The following PTPRR variants were observed in gnomAD, a reference collection of about 807,000 sequenced individuals.
PTPRR encodes protein tyrosine phosphatase receptor type R.
PTPRR carries 38 observed loss-of-function variants against 77.2 expected under a neutral mutation model. That is an observed-to-expected ratio of 0.49 (90% CI 0.38 to 0.65). The LOEUF is 0.65. Among genes scored for constraint, PTPRR ranks in the 30% least tolerant of loss-of-function variants. PTPRR has a pLI of 0.00. For missense variants in PTPRR, 744 were observed against 799.2 expected, an observed-to-expected ratio of 0.93 and a Z score of 0.83; for synonymous variants, 299 against 283.1, an observed-to-expected ratio of 1.06 and a Z score of -0.57.
At chr12:70,701,503 A>G (rs1888423426) in intron 6 of PTPRR, among the ~76,000 whole-genome samples, 180 bp from the exon 7 acceptor site, 2 of 152,206 alleles carry the variant, frequency 1.3e-5, no homozygotes, top group Non-Finnish European at 2.9e-5. Context: ...TCACAGGAAA[A>G]TAACAATTTT....
chr12:70,871,524 TAC>T (rs1401830904), intron 2 of PTPRR, among the ~76,000 whole-genome samples: 2 of 152,210 alleles, frequency 1.3e-5, no homozygotes, highest in Non-Finnish European at 2.9e-5. Context: ...GGTAGGAATC[TAC>T]AGTTTCCCTG....
rs1034928861 is a variant in PTPRR, at chr12:70,666,711, C to T, written c.1498-4106G>A. Among the ~76,000 whole-genome samples the T allele has an allele frequency of 2.0e-5, 3 of 151,852 alleles. No individual in the cohort carries two copies. In the East Asian group the frequency reaches 5.8e-4, roughly 29 times the overall value. On this transcript the variant is annotated intron_variant, in intron 10 of 13. Coordinates refer to ENST00000283228, the MANE Select transcript of PTPRR (RefSeq NM_002849.4). ...TGTTTCATAGGCTTTTCTATTTTCT[C>T]TTTCATTTTAAATAAACTAAAATGG... is the stretch of plus-strand genomic sequence containing the variant.
Position 70,764,660 on chromosome 12 carries a change from C to T in PTPRR, c.471+5G>A. ...TTTTGGAAATGCGAAATGTGGGTAT[C>T]TTACAATGAGGCGATTGATGTGCAC... On this transcript the variant is annotated splice_donor_5th_base_variant and intron_variant, in intron 3 of 13. Transcript: ENST00000283228. 9 of 1,606,096 alleles carry T rather than the reference C, an allele frequency of 5.6e-6. No individual in the cohort carries two copies. Among genetic ancestry groups the T allele is most frequent in the African/African-American group, 2.7e-5 (2 of 74,824 alleles).
intron 1 of PTPRR, among the ~76,000 whole-genome samples, chr12:70,907,552 G>T (rs1040051629): frequency 1.3e-5 from 2 of 152,078 alleles, no homozygotes; most frequent in African/African-American, 4.8e-5. Flanking sequence ...GCAATGAAAG[G>T]GGTTCATGTT....
chr12:70,795,940 T>TTTTTTTTTTTTTTTTTG lies in PTPRR; in HGVS notation c.358-31163_358-31162insCAAAAAAAAAAAAAAAA, dbSNP rs1436544409. Among the ~76,000 whole-genome samples, 3 of 133,446 alleles carry TTTTTTTTTTTTTTTTTG rather than the reference T, an allele frequency of 2.2e-5. 1 individual carries two copies. The highest frequency in any genetic ancestry group is 4.8e-5 in the Non-Finnish European group (3 of 62,132). The allele number at this position is 133,446 out of a possible 152,430, so 87.5% of individuals were successfully genotyped here. A position where few individuals can be genotyped will look rare whatever the true frequency, so the allele number is the denominator to read the frequency against. ...TTTTTTTTTTTTTTTTTTTTTTTTT[T>TTTTTTTTTTTTTTTTTG]TGACACAGAGTCTTGCCCTGTGACC... is the stretch of plus-strand genomic sequence containing the variant. On this transcript the variant is annotated intron_variant, in intron 2 of 13. Coordinates refer to ENST00000283228, the MANE Select transcript of PTPRR (RefSeq NM_002849.4).
At chr12:70,763,147 A>C (rs1890731700) in intron 3 of PTPRR, among the ~76,000 whole-genome samples, 1 of 149,430 alleles carries the variant, frequency 6.7e-6, no homozygotes, top group Admixed American at 6.7e-5. Flanking sequence ...TTTTTTTTTG[A>C]GATGGAGTTT....
chr12:70,712,312 C>T (rs1035540562), intron 6 of PTPRR, among the ~76,000 whole-genome samples: 5 of 151,818 alleles, frequency 3.3e-5, no homozygotes, highest in Admixed American at 1.3e-4. Flanking sequence ...ATCATGTTAT[C>T]GGTGATGCCT....
chr12:70,672,896 G>T, intron 10 of PTPRR: 1 of 1,548,690 alleles, frequency 6.5e-7, no homozygotes, highest in Non-Finnish European at 8.8e-7. Context: ...TAGGATGGGG[G>T]CATCTGCTCC....
intron 10 of PTPRR, among the ~76,000 whole-genome samples, chr12:70,673,221 C>T (rs545861345): frequency 7.9e-5 from 12 of 152,232 alleles, no homozygotes; most frequent in African/African-American, 2.9e-4. Context: ...ATTACACACC[C>T]TCTAGGAAAT....
chr12:70,761,347 G>A, intron 4 of PTPRR, 124 bp downstream of exon 4: 2 of 914,996 alleles, frequency 2.2e-6, no homozygotes, highest in South Asian at 5.3e-5. Flanking sequence ...TGACACTCAG[G>A]GAAATTTTTA....
intron 1 of PTPRR, among the ~76,000 whole-genome samples, chr12:70,918,881 T>A (rs1893812713): frequency 6.6e-6 from 1 of 152,204 alleles, no homozygotes; most frequent in African/African-American, 2.4e-5. Context: ...ATTGAAGAAT[T>A]GTATGTGGTA....
intron 6 of PTPRR, among the ~76,000 whole-genome samples, chr12:70,744,624 G>T (rs1050433105): frequency 1.3e-5 from 2 of 152,146 alleles, no homozygotes; most frequent in Non-Finnish European, 2.9e-5. Flanking sequence ...TTTCTGAAGG[G>T]TGTGTTTGTG....
At chr12:70,839,118 T>C (rs1892352191) in intron 2 of PTPRR, among the ~76,000 whole-genome samples, 1 of 152,166 alleles carries the variant, frequency 6.6e-6, no homozygotes, top group Admixed American at 6.6e-5. Flanking sequence ...GTTGTGATGC[T>C]GAACCATGTG....
At position 70,900,912 on chromosome 12, in the gene PTPRR, A is replaced by G. The variant is rs1221780097; in HGVS notation, c.59-7935T>C. Among the ~76,000 whole-genome samples, 3 of 151,560 alleles carry G rather than the reference A, an allele frequency of 2.0e-5. No homozygotes were observed. In the East Asian group the frequency reaches 5.8e-4, roughly 29 times the overall value. On this transcript the variant is annotated intron_variant, in intron 1 of 13. Coordinates refer to ENST00000283228, the MANE Select transcript of PTPRR (RefSeq NM_002849.4). ...TGGGAAGAAAGGGGAACTCTTGCAC[A>G]TTGTTGTGGGAATGTAAATGAGTAC...
intron 6 of PTPRR, among the ~76,000 whole-genome samples, chr12:70,738,610 G>T (rs1292353738): frequency 6.6e-6 from 1 of 152,216 alleles, no homozygotes; most frequent in Non-Finnish European, 1.5e-5. Context: ...GGGAAAATGT[G>T]CAGAATCTTT....
At chr12:70,821,519 C>G (rs1892012617) in intron 2 of PTPRR, among the ~76,000 whole-genome samples, 1 of 151,760 alleles carries the variant, frequency 6.6e-6, no homozygotes, top group South Asian at 2.1e-4. Context: ...GCCACTGTGC[C>G]CGGCTGCGAT....
Position 70,892,765 on chromosome 12 carries a change from C to A in PTPRR, c.271G>T (p.Asp91Tyr), listed in dbSNP as rs1893359785. The A allele has an allele frequency of 6.2e-7, 1 of 1,613,332 alleles. No individual in the cohort carries two copies. Residue 91 changes from aspartate (D) to tyrosine (Y), a missense_variant, in exon 2 of 14, where the codon GAC becomes TAC. Around this residue, in one of 3 missense-constraint regions of PTPRR, gnomAD observed 570 missense variants for 573.2 expected, o/e 0.99. Coordinates refer to ENST00000283228, the MANE Select transcript of PTPRR (RefSeq NM_002849.4). ...VNSAFPRPAY[D>Y]PSLNLLAMDG... ...ATGGCCAGCAGATTGAGAGACGGGT[C>A]ATATGCGGGTCTAGGAAATGCTGAA...
intron 2 of PTPRR, among the ~76,000 whole-genome samples, chr12:70,882,661 G>C (rs1448523688): frequency 6.6e-6 from 1 of 151,598 alleles, no homozygotes; most frequent in Non-Finnish European, 1.5e-5. Flanking sequence ...ACCTATTGCT[G>C]GTCTTCCTTG....
intron 6 of PTPRR, among the ~76,000 whole-genome samples, chr12:70,722,953 A>G (rs1013899057): frequency 2.0e-5 from 3 of 152,196 alleles, no homozygotes; most frequent in African/African-American, 7.2e-5. Flanking sequence ...TCTTGGCAGC[A>G]TTTATATTTA....
Sources: gnomAD v4.1 joint callset for allele counts (sites outside exome capture counted in the v4.1 genomes callset) on GRCh38, gnomAD v4.1.1 for gene constraint, gnomAD v4.1.1 regional missense constraint, MANE v1.5 for transcripts, NCBI Gene and HGNC (gene_info 2026-07-23, HGNC 2026-07-21) for gene names.